The following SORCS1 variants were observed in gnomAD, a reference collection of about 807,000 sequenced individuals.
The protein encoded by SORCS1 is sortilin related VPS10 domain containing receptor 1, also known as VPS10 domain-containing receptor SorCS1.
SORCS1 carries 60 observed loss-of-function variants against 146.1 expected under a neutral mutation model. The observed-to-expected ratio is 0.41, with a 90% CI of 0.33 to 0.51. The LOEUF (loss-of-function observed/expected upper bound fraction) is 0.51. Ranked by LOEUF, SORCS1 falls within the 20% of genes least tolerant of loss-of-function variation. SORCS1 has a pLI of 0.21. For synonymous variants in SORCS1, 637 were observed against 584.0 expected, an observed-to-expected ratio of 1.09 and a Z score of -1.31; for missense variants, 1,352 against 1,487.6, an observed-to-expected ratio of 0.91 and a Z score of 1.50.
chr10:106,723,767 T>C (rs1031002773), intron 6 of SORCS1, among the ~76,000 whole-genome samples: 5 of 152,170 alleles, frequency 3.3e-5, no homozygotes, highest in African/African-American at 1.2e-4. Flanking sequence ...TAACCACACA[T>C]TCCTATGCAG....
Position 107,089,968 on chromosome 10 carries a change from G to A in SORCS1, c.558+74001C>T, listed in dbSNP as rs186965637. Among the ~76,000 whole-genome samples the A allele has an allele frequency of 4.6e-5, 7 of 152,304 alleles. No homozygotes were observed. The East Asian group carries it at 1.3e-3, about 29-fold the overall frequency. On this transcript the variant is annotated intron_variant, in intron 1 of 25. Coordinates refer to ENST00000263054, the MANE Select transcript of SORCS1 (RefSeq NM_052918.5). ...CTTTTCAGACTTAATTGTGAAGAGG[G>A]CACTAGGAAGAATGATCCATCGACC...
intron 2 of SORCS1, among the ~76,000 whole-genome samples, chr10:106,867,578 C>T (rs545618323): frequency 1.1e-4 from 16 of 152,108 alleles, no homozygotes; most frequent in Non-Finnish European, 2.1e-4. Context: ...CCACCGCACC[C>T]GGCCATATTC....
chr10:107,149,564 A>T (rs1208636989), intron 1 of SORCS1, among the ~76,000 whole-genome samples: 1 of 152,248 alleles, frequency 6.6e-6, no homozygotes, highest in Non-Finnish European at 1.5e-5. Context: ...ATCAGATTTA[A>T]CTGTGAAGAG....
intron 1 of SORCS1, among the ~76,000 whole-genome samples, chr10:107,039,513 T>C (rs1320603892): frequency 6.6e-6 from 1 of 152,186 alleles, no homozygotes; most frequent in Non-Finnish European, 1.5e-5. Context: ...TCTGGTCTGA[T>C]TCTTTCCTGC....
Position 106,894,572 on chromosome 10 carries a change from A to G in SORCS1, c.626+61941T>C, listed in dbSNP as rs181261699. ...TGCTGGAGACCTCCATGGTAGAGTT[A>G]TAAGTGCTGTGTGGAATAAACTCGC... On this transcript the variant is annotated intron_variant, in intron 2 of 25. Transcript: ENST00000263054. Among the ~76,000 whole-genome samples the G allele has an allele frequency of 2.0e-3, 303 of 152,268 alleles. 2 individuals are homozygous for G. The highest frequency in any genetic ancestry group is 7.1e-3 in the African/African-American group (294 of 41,568).
At chr10:107,085,713 A>G (rs1293843411) in intron 1 of SORCS1, among the ~76,000 whole-genome samples, 1 of 152,188 alleles carries the variant, frequency 6.6e-6, no homozygotes, top group African/African-American at 2.4e-5. Flanking sequence ...CATATGTGAC[A>G]CATTGAAGAT....
upstream of SORCS1, among the ~76,000 whole-genome samples, chr10:107,168,666 C>CTT (rs57998261): frequency 3.4e-5 from 4 of 119,258 alleles, no homozygotes; most frequent in African/African-American, 5.8e-5. Context: ...CAGCTCATGC[C>CTT]TTTTTTTTTT....
intron 6 of SORCS1, among the ~76,000 whole-genome samples, chr10:106,712,587 A>T (rs1254096795): frequency 6.6e-6 from 1 of 152,148 alleles, no homozygotes; most frequent in Non-Finnish European, 1.5e-5. Context: ...GCCAATATCA[A>T]CTATCTTGTA....
chr10:106,987,613 T>G (rs1956538967), intron 1 of SORCS1, among the ~76,000 whole-genome samples: 1 of 152,164 alleles, frequency 6.6e-6, no homozygotes, highest in Non-Finnish European at 1.5e-5. Flanking sequence ...TAAACATAGT[T>G]CCCGCCTACT....
intron 2 of SORCS1, among the ~76,000 whole-genome samples, chr10:106,953,590 G>A (rs1564848150): frequency 1.3e-5 from 2 of 152,152 alleles, no homozygotes; most frequent in East Asian, 3.9e-4. Flanking sequence ...GACCTTAGGT[G>A]AGTTTCTCAT....
intron 1 of SORCS1, among the ~76,000 whole-genome samples, chr10:107,107,402 T>A (rs1336611749): frequency 1.3e-5 from 2 of 152,212 alleles, no homozygotes; most frequent in African/African-American, 2.4e-5. Context: ...AAGTGGCAGA[T>A]AACTTGGATG....
intron 2 of SORCS1, among the ~76,000 whole-genome samples, chr10:106,889,816 C>T (rs1351815692): frequency 7.1e-6 from 1 of 141,202 alleles, no homozygotes; most frequent in East Asian, 2.2e-4. Context: ...ACCCGGGAGG[C>T]GGAGCTTGCA....
chr10:107,021,659 T>A (rs925168044), intron 1 of SORCS1, among the ~76,000 whole-genome samples: 3 of 151,610 alleles, frequency 2.0e-5, no homozygotes, highest in Non-Finnish European at 2.9e-5. Flanking sequence ...TATGTTAGAG[T>A]CAGGTAGGCT....
intron 18 of SORCS1, among the ~76,000 whole-genome samples, chr10:106,646,547 T>A (rs1849449342): frequency 6.6e-6 from 1 of 151,824 alleles, no homozygotes; most frequent in African/African-American, 2.4e-5. Flanking sequence ...AATACAAAAA[T>A]TAGCTGGGTG....
chr10:107,050,018 G>A lies in SORCS1; in HGVS notation c.559-93438C>T, dbSNP rs145221811. 1.3e-4 allele frequency among the ~76,000 whole-genome samples: 20 copies of A among 152,290 alleles called. No individual in the cohort carries two copies. The East Asian group carries it at 3.9e-3, about 29-fold the overall frequency. ...GTGCATAAAATTAGTTTTTCCACAA[G>A]TGTACATGCATATTCCAAGTGTTTC... On this transcript the variant is annotated intron_variant, in intron 1 of 25. Coordinates refer to ENST00000263054, the MANE Select transcript of SORCS1 (RefSeq NM_052918.5).
At chr10:107,138,511 T>C (rs899505332) in intron 1 of SORCS1, among the ~76,000 whole-genome samples, 1 of 152,232 alleles carries the variant, frequency 6.6e-6, no homozygotes, top group African/African-American at 2.4e-5. Context: ...GTTGATGGTC[T>C]ACACCACTCA....
intron 1 of SORCS1, among the ~76,000 whole-genome samples, chr10:107,137,633 C>T (rs912692048): frequency 3.9e-5 from 6 of 152,084 alleles, no homozygotes; most frequent in Non-Finnish European, 5.9e-5. Context: ...GAGGTTGAGG[C>T]GGGCAGATCA....
intron 4 of SORCS1, among the ~76,000 whole-genome samples, chr10:106,773,989 C>T (rs890118484): frequency 2.0e-5 from 3 of 152,046 alleles, no homozygotes; most frequent in Non-Finnish European, 2.9e-5. Context: ...CGTCAGGTAG[C>T]CCCTTACCCC....
chr10:107,073,090 G>A (rs903434970), intron 1 of SORCS1, among the ~76,000 whole-genome samples: 2 of 152,112 alleles, frequency 1.3e-5, no homozygotes, highest in Non-Finnish European at 2.9e-5. Flanking sequence ...TAATTACAAT[G>A]AGCTACGGCT....
Sources: allele counts gnomAD v4.1 joint callset (sites outside exome capture counted in the v4.1 genomes callset), GRCh38; gene constraint gnomAD v4.1.1; transcripts MANE v1.5; gene names NCBI Gene and HGNC (gene_info 2026-07-23, HGNC 2026-07-21).